The following ZWILCH variants were observed in gnomAD, a reference collection of about 807,000 sequenced individuals.
ZWILCH encodes the protein protein zwilch homolog.
Under a neutral mutation model 79.9 loss-of-function variants are expected in ZWILCH, and 74 were observed. That is an observed-to-expected ratio of 0.93 (90% CI 0.77 to 1.12). ZWILCH has a LOEUF of 1.12. ZWILCH is among the 50% of genes most tolerant of loss of function. The pLI, the probability that ZWILCH is intolerant of heterozygous loss-of-function variation, is 0.00. For synonymous variants in ZWILCH, 241 were observed against 228.2 expected, an observed-to-expected ratio of 1.06 and a Z score of -0.51; for missense variants, 694 against 687.5, an observed-to-expected ratio of 1.01 and a Z score of -0.11.
At chr15:66,544,210 T>A (rs1240603026) in intron 17 of ZWILCH, among the ~76,000 whole-genome samples, 2 of 151,102 alleles carry the variant, frequency 1.3e-5, no homozygotes, top group Non-Finnish European at 2.9e-5. Context: ...TGAGCCGATA[T>A]CACGCCATTG....
At chr15:66,535,574 G>T (rs1477015367) in intron 14 of ZWILCH, among the ~76,000 whole-genome samples, 1 of 151,820 alleles carries the variant, frequency 6.6e-6, no homozygotes, top group Non-Finnish European at 1.5e-5. Flanking sequence ...TACTCAGGAG[G>T]CTAAGGCGGG....
At chr15:66,539,941 T>G (rs1895140832) in intron 16 of ZWILCH, among the ~76,000 whole-genome samples, 157 bp from the exon 17 acceptor site, 2 of 152,188 alleles carry the variant, frequency 1.3e-5, no homozygotes, top group South Asian at 4.1e-4. Flanking sequence ...TTTTTCTTGC[T>G]CTCTTGACTA....
chr15:66,524,402 C>G (rs1304749018), intron 8 of ZWILCH: 2 of 152,180 alleles, frequency 1.3e-5, no homozygotes, highest in African/African-American at 4.8e-5. Context: ...ATTTCTTTAG[C>G]TTAATCTCAC....
At chr15:66,519,610 C>T (rs189282353) in intron 5 of ZWILCH, among the ~76,000 whole-genome samples, 109 of 152,086 alleles carry the variant, frequency 7.2e-4, no homozygotes, top group Non-Finnish European at 1.4e-3. Flanking sequence ...CCTGCCACCA[C>T]GCCCGGCTAA....
intron 17 of ZWILCH, among the ~76,000 whole-genome samples, chr15:66,544,720 G>T (rs111885624): frequency 0.079 from 11,179 of 141,394 alleles, 528 homozygotes; most frequent in Middle Eastern, 0.12. Flanking sequence ...TGTTTTTTTG[G>T]TTTTTGTGTG....
Position 66,521,233 on chromosome 15 carries a change from G to T in ZWILCH, c.747+28G>T, listed in dbSNP as rs186545979. ...AAGAGTGGGCCCTATTTCCTTTTCG[G>T]GTTCATGAGACTCCTAAATGTTGGC... is the stretch of plus-strand genomic sequence containing the variant. On this transcript the variant is annotated intron_variant, in intron 7 of 18. Transcript: ENST00000307897. 20 of 1,602,184 alleles carry T rather than the reference G, an allele frequency of 1.2e-5. No individual in the cohort carries two copies. The African/African-American group carries it at 2.1e-4, about 17-fold the overall frequency.
chr15:66,520,673 C>T lies in ZWILCH; in HGVS notation c.591+13C>T. ...TCACTTGTCTACTGTAAGTGTTTTG[C>T]TTCTACTCATATTATTTTCTTCAAA... On this transcript the variant is annotated intron_variant, in intron 6 of 18. Transcript: ENST00000307897. The T allele has an allele frequency of 6.6e-7, 1 of 1,519,468 alleles. No individual in the cohort carries two copies. Among genetic ancestry groups the T allele is most frequent in the Non-Finnish European group, 9.0e-7 (1 of 1,111,510 alleles). 94.1% of individuals were successfully genotyped at this position (1,519,468 alleles called of 1,614,324 possible). A position where few individuals can be genotyped will look rare whatever the true frequency, so the allele number is the denominator to read the frequency against.
chr15:66,519,832 CTG>C (rs1378660247), intron 5 of ZWILCH, among the ~76,000 whole-genome samples: 4 of 152,164 alleles, frequency 2.6e-5, no homozygotes, highest in Non-Finnish European at 5.9e-5. Flanking sequence ...GAGCCTCACT[CTG>C]TAGCCCAGGT....
intron 17 of ZWILCH, among the ~76,000 whole-genome samples, chr15:66,542,624 A>C (rs749790805): frequency 1.6e-4 from 24 of 152,230 alleles, no homozygotes; most frequent in Non-Finnish European, 2.8e-4. Context: ...AAAAGGGGAT[A>C]TATTTCAGTA....
chr15:66,543,660 G>T (rs1424868720), intron 17 of ZWILCH, among the ~76,000 whole-genome samples: 1 of 152,102 alleles, frequency 6.6e-6, no homozygotes, highest in African/African-American at 2.4e-5. Context: ...GGGAGGCTGA[G>T]GTGGGAGGAT....
chr15:66,506,151 C>G (rs1893808069), intron 1 of ZWILCH, among the ~76,000 whole-genome samples: 1 of 152,172 alleles, frequency 6.6e-6, no homozygotes, highest in Non-Finnish European at 1.5e-5. Flanking sequence ...GCTGTGTAAT[C>G]TAGCCCATGA....
At chr15:66,544,149 C>A (rs1475289527) in intron 17 of ZWILCH, among the ~76,000 whole-genome samples, 1 of 151,102 alleles carries the variant, frequency 6.6e-6, no homozygotes, top group East Asian at 2.0e-4. Flanking sequence ...CCCAGCTACT[C>A]AGGAGGCTGA....
At chr15:66,544,452 G>C (rs762497155) in intron 17 of ZWILCH, among the ~76,000 whole-genome samples, 1 of 151,278 alleles carries the variant, frequency 6.6e-6, no homozygotes, top group African/African-American at 2.4e-5. Context: ...CTACTTCAGC[G>C]TCCCAAGTAG....
At chr15:66,545,894 C>A (rs1276847925) in intron 17 of ZWILCH, among the ~76,000 whole-genome samples, 1 of 152,166 alleles carries the variant, frequency 6.6e-6, no homozygotes, top group Non-Finnish European at 1.5e-5. Context: ...AAGTCCAATA[C>A]TAGCTTTTCA....
Position 66,521,100 on chromosome 15 carries a change from G to T in ZWILCH, c.642G>T (p.Leu214Phe). ...ATGAGCTCTTTAAGTCCTCTGCCTT[G>T]GATGATACAATCACAGCATCACAAA... The part of the protein sequence containing the change: ...AQYELFKSSA[L>F]DDTITASQTA... The change falls in exon 7 of 19, where the codon TTG becomes TTT. Residue 214 changes from leucine (L) to phenylalanine (F), a missense_variant. Coordinates refer to ENST00000307897, the MANE Select transcript of ZWILCH (RefSeq NM_017975.5). 6.2e-7 allele frequency: 1 copy of T among 1,614,080 alleles called. No individual in the cohort carries two copies. Among genetic ancestry groups the T allele is most frequent in the Non-Finnish European group, 8.5e-7 (1 of 1,180,026 alleles).
intron 16 of ZWILCH, 118 bp from the exon 17 acceptor site, chr15:66,539,980 G>A (rs531040744): frequency 5.2e-5 from 31 of 598,256 alleles, no homozygotes; most frequent in Non-Finnish European, 8.2e-5. Flanking sequence ...ATTGTGACCC[G>A]TTTACCTCTT....
intron 2 of ZWILCH, among the ~76,000 whole-genome samples, chr15:66,509,558 C>A (rs1394732702): frequency 2.0e-5 from 3 of 151,958 alleles, no homozygotes; most frequent in Non-Finnish European, 4.4e-5. Flanking sequence ...GTTTGGTTAT[C>A]CATTCACCAG....
intron 16 of ZWILCH, among the ~76,000 whole-genome samples, chr15:66,538,543 C>T (rs762713383): frequency 8.6e-5 from 13 of 152,012 alleles, no homozygotes; most frequent in Non-Finnish European, 1.2e-4. Context: ...CCACCACACC[C>T]GGCTAATTTT....
chr15:66,518,355 C>G lies in ZWILCH; in HGVS notation c.321-524C>G, dbSNP rs932351178. 2.2e-5 allele frequency among the ~76,000 whole-genome samples: 3 copies of G among 137,496 alleles called. No homozygotes were observed. In the Admixed American group the frequency reaches 2.4e-4, roughly 11 times the overall value. 90.2% of individuals were successfully genotyped at this position (137,496 alleles called of 152,430 possible). On this transcript the variant is annotated intron_variant, in intron 4 of 18. Coordinates refer to ENST00000307897, the MANE Select transcript of ZWILCH (RefSeq NM_017975.5). ...CCAAGCTAGAGTGCAGTGGTGCGAT[C>G]TGGGCTCACTGCAAGCTCTGCCTCC...
Sources: gnomAD v4.1 joint callset for allele counts (sites outside exome capture counted in the v4.1 genomes callset) on GRCh38, gnomAD v4.1.1 for gene constraint, MANE v1.5 for transcripts, NCBI Gene and HGNC (gene_info 2026-07-23, HGNC 2026-07-21) for gene names.